Variants in SHANK2 observed in about 807,000 individuals in gnomAD.
SHANK2 encodes the protein SH3 and multiple ankyrin repeat domains protein 2.
A neutral mutation model predicts 133.7 loss-of-function variants in SHANK2; 43 were observed. The ratio of observed to expected loss-of-function variants is 0.32; its 90% CI spans 0.25 to 0.41. The LOEUF is 0.41. SHANK2 is among the 10% of genes least tolerant of loss of function. The pLI is 1.00. For missense variants in SHANK2, 1,994 were observed against 2,235.8 expected (o/e 0.89, Z 2.18); for synonymous variants, 1,017 against 952.8 (o/e 1.07, Z -1.24).
chr11:70,781,442 C>A (rs1042117115), intron 14 of SHANK2, among the ~76,000 whole-genome samples: 1 of 150,376 alleles, frequency 6.6e-6, no homozygotes, highest in Non-Finnish European at 1.5e-5. Context: ...AGTTAAGGAG[C>A]CTGTCTGGGA....
intron 8 of SHANK2, among the ~76,000 whole-genome samples, chr11:71,083,982 G>C (rs936755197): frequency 6.8e-6 from 1 of 147,250 alleles, no homozygotes; most frequent in African/African-American, 2.6e-5. Context: ...TTTTTTTTGG[G>C]GGGGGGAGAC....
At chr11:70,934,917 A>G (rs782302225) in intron 10 of SHANK2, among the ~76,000 whole-genome samples, 51 of 152,068 alleles carry the variant, frequency 3.4e-4, no homozygotes, top group African/African-American at 1.2e-3. Flanking sequence ...TGCAAACCAA[A>G]GCGACGCAGC....
At chr11:70,734,819 C>T (rs34727827) in intron 14 of SHANK2, among the ~76,000 whole-genome samples, 73,392 of 152,082 alleles carry the variant, frequency 0.48, 17,877 homozygotes, top group South Asian at 0.6. Context: ...ACCACCTGAG[C>T]GATGAGGACC....
intron 14 of SHANK2, among the ~76,000 whole-genome samples, chr11:70,730,167 A>G (rs1476642714): frequency 1.3e-5 from 2 of 148,452 alleles, no homozygotes; most frequent in Admixed American, 6.7e-5. Context: ...CATCAATGCT[A>G]TTTGCAGCAT....
chr11:70,743,223 C>T (rs555559939), intron 14 of SHANK2, among the ~76,000 whole-genome samples: 1 of 152,210 alleles, frequency 6.6e-6, no homozygotes, highest in Non-Finnish European at 1.5e-5. Flanking sequence ...ATGCCAGGGG[C>T]AGCGCTCGAG....
At chr11:70,718,601 G>A (rs1044723865) in intron 14 of SHANK2, among the ~76,000 whole-genome samples, 1 of 152,088 alleles carries the variant, frequency 6.6e-6, no homozygotes, top group African/African-American at 2.4e-5. Context: ...AGGACTTCTC[G>A]GCTTTCAAAT....
chr11:70,901,187 C>T (rs115940330), intron 10 of SHANK2, among the ~76,000 whole-genome samples: 44 of 152,302 alleles, frequency 2.9e-4, no homozygotes, highest in African/African-American at 1.0e-3. Flanking sequence ...GACATTCACT[C>T]AAGCCGTTTG....
intron 17 of SHANK2, among the ~76,000 whole-genome samples, chr11:70,590,490 C>T (rs1320546235): frequency 6.6e-6 from 1 of 152,148 alleles, no homozygotes; most frequent in Non-Finnish European, 1.5e-5. Context: ...AAGGAAAAGT[C>T]AATTGATGTG....
chr11:70,504,588 G>C (rs1565079208), intron 17 of SHANK2, among the ~76,000 whole-genome samples: 1 of 152,156 alleles, frequency 6.6e-6, no homozygotes, highest in Non-Finnish European at 1.5e-5. Flanking sequence ...CTGGACAGCT[G>C]GTCACCCTGC....
Position 71,147,214 on chromosome 11 carries a change from C to T in SHANK2, c.113G>A (p.Arg38Gln), listed in dbSNP as rs1280829265. The T allele has an allele frequency of 1.0e-5, 16 of 1,550,692 alleles. No individual in the cohort carries two copies. Among genetic ancestry groups the T allele is most frequent in the South Asian group, 4.8e-5 (4 of 84,062 alleles). The change falls in exon 3 of 26, where the codon CGG becomes CAG. Residue 38 changes from arginine to glutamine, a missense_variant. By Grantham distance (43) the Arg-to-Gln change is conservative (BLOSUM62 1). Around this residue, in one of 5 missense-constraint regions of SHANK2, gnomAD observed 653 missense variants for 563.4 expected, o/e 1.16. Transcript: ENST00000601538. ...SKEETIYDTI[R>Q]ATAEKPGGAR... ...ACCGCCCGGCTTCTCCGCAGTGGCCCGGATCGTGTCATAGATGGTCTCTTC... is the reference window on the plus strand; with the variant it reads ...ACCGCCCGGCTTCTCCGCAGTGGCCTGGATCGTGTCATAGATGGTCTCTTC...
intron 11 of SHANK2, among the ~76,000 whole-genome samples, chr11:70,886,073 C>G (rs1370960535): frequency 6.6e-6 from 1 of 152,116 alleles, no homozygotes; most frequent in African/African-American, 2.4e-5. Flanking sequence ...AACCAGCAGC[C>G]CGGCATGCGG....
At chr11:70,747,757 G>A (rs181208635) in intron 14 of SHANK2, among the ~76,000 whole-genome samples, 53 of 152,338 alleles carry the variant, frequency 3.5e-4, no homozygotes, top group Middle Eastern at 3.4e-3. Context: ...GAACAGGCAC[G>A]TGTGTGCATG....
At chr11:70,592,833 G>A (rs1338023849) in intron 17 of SHANK2, among the ~76,000 whole-genome samples, 2 of 152,078 alleles carry the variant, frequency 1.3e-5, no homozygotes, top group African/African-American at 2.4e-5. Context: ...GCACCTTCAG[G>A]GACCCGATGT....
chr11:70,474,480 G>A (rs1555149684), intron 25 of SHANK2: 1 of 152,310 alleles, frequency 6.6e-6, no homozygotes, highest in Non-Finnish European at 1.5e-5. Context: ...TGCCAGAGAA[G>A]TCCAAGTCCT....
At chr11:70,502,455 G>T (rs2059069139) in intron 18 of SHANK2, among the ~76,000 whole-genome samples, 169 bp from the exon 19 acceptor site, 1 of 152,180 alleles carries the variant, frequency 6.6e-6, no homozygotes, top group African/African-American at 2.4e-5. Flanking sequence ...TGCTCAGGAG[G>T]ATCTTGCCAT....
At chr11:70,690,261 C>T (rs1042998741) in intron 15 of SHANK2, among the ~76,000 whole-genome samples, 22 of 150,516 alleles carry the variant, frequency 1.5e-4, no homozygotes, top group Admixed American at 8.6e-4. Flanking sequence ...TTTTCTCCCA[C>T]GAGAAAAAAA....
In SHANK2 at chr11:70,909,585, G is replaced by A. The variant is rs1435777454; in HGVS notation, c.1108-13018C>T. Among the ~76,000 whole-genome samples the A allele has an allele frequency of 3.3e-5, 5 of 152,128 alleles. No homozygotes were observed. The East Asian group carries it at 5.8e-4, about 18-fold the overall frequency. On this transcript the variant is annotated intron_variant, in intron 10 of 25. Coordinates refer to ENST00000601538, the MANE Select transcript of SHANK2 (RefSeq NM_012309.5). ...TTCTGCACATCAGACAACAGGTTTC[G>A]AGAGCTCAAATGAGTGAGATTTCTT... is the stretch of plus-strand genomic sequence containing the variant.
chr11:71,060,614 C>G (rs2135932185), intron 9 of SHANK2, among the ~76,000 whole-genome samples: 1 of 152,376 alleles, frequency 6.6e-6, no homozygotes, highest in African/African-American at 2.4e-5. Flanking sequence ...ACTATGAGGA[C>G]CATGCATGTC....
intron 2 of SHANK2, among the ~76,000 whole-genome samples, chr11:71,179,979 C>T (rs1953524589): frequency 6.6e-6 from 1 of 152,180 alleles, no homozygotes; most frequent in Non-Finnish European, 1.5e-5. Context: ...TCTCAAAGTC[C>T]ACCTTCATGC....
Sources: allele counts gnomAD v4.1 joint callset (sites outside exome capture counted in the v4.1 genomes callset), GRCh38; gene constraint gnomAD v4.1.1; regional missense constraint gnomAD v4.1.1; transcripts MANE v1.5; gene names NCBI Gene and HGNC (gene_info 2026-07-23, HGNC 2026-07-21).